GLS: variants seen among roughly 807,000 people sequenced by gnomAD.
The protein encoded by GLS is glutaminase.
Under a neutral mutation model 86.7 loss-of-function variants are expected in GLS, and 36 were observed. The ratio of observed to expected loss-of-function variants is 0.42; its 90% CI spans 0.32 to 0.55. The LOEUF is 0.55. Ranked by LOEUF, GLS falls within the 20% of genes least tolerant of loss-of-function variation. The pLI is 0.17. For synonymous variants in GLS, 317 were observed against 305.9 expected (o/e 1.04, Z -0.38); for missense variants, 528 against 833.4 (o/e 0.63, Z 4.51).
chr2:190,940,436 C>T lies in GLS; in HGVS notation c.1650+8799C>T, dbSNP rs555760891. On this transcript the variant is annotated intron_variant, in intron 14 of 17. Coordinates refer to ENST00000320717, the MANE Select transcript of GLS (RefSeq NM_014905.5). Reference sequence around the variant, plus strand: ...ATTTCTGCCTTAATGTCTCTTTTTACTGGACTATGAAGAAACAATTCTGCT... The same window carrying T: ...ATTTCTGCCTTAATGTCTCTTTTTATTGGACTATGAAGAAACAATTCTGCT... Among the ~76,000 whole-genome samples, 26 of 152,100 alleles carry T rather than the reference C, an allele frequency of 1.7e-4. No individual in the cohort carries two copies. In the East Asian group the frequency reaches 3.1e-3, roughly 18 times the overall value.
Position 190,914,079 on chromosome 2 carries a change from A to C in GLS, c.1038+3758A>C, listed in dbSNP as rs1303783475. Among the ~76,000 whole-genome samples, 1 of 152,090 alleles carries C rather than the reference A, an allele frequency of 6.6e-6. No individual in the cohort carries two copies. Among genetic ancestry groups the C allele is most frequent in the African/African-American group, 2.4e-5 (1 of 41,406 alleles). On this transcript the variant is annotated intron_variant, in intron 7 of 17. Coordinates refer to ENST00000320717, the MANE Select transcript of GLS (RefSeq NM_014905.5). This position sits in a 1 kb window ranked among gnomAD's most constrained non-coding sequence, Gnocchi z 4.4. ...AATGCTGGGATGACAGGCATTAGCC[A>C]CTCTACTTGGCATGCCTCATTCTAG...
intron 14 of GLS, among the ~76,000 whole-genome samples, chr2:190,936,674 A>G (rs1690279332): frequency 6.6e-6 from 1 of 151,242 alleles, no homozygotes; most frequent in Admixed American, 6.6e-5. Context: ...AGTGAAACCA[A>G]GAATATTAGA....
In GLS at chr2:190,938,493, A is replaced by G. The variant is rs1690338201; in HGVS notation, c.1650+6856A>G. On this transcript the variant is annotated intron_variant, in intron 14 of 17. Transcript: ENST00000320717. This position sits in a 1 kb window ranked among gnomAD's most constrained non-coding sequence, Gnocchi z 4.1. The stretch of plus-strand genomic sequence containing the variant: ...CTAGAATTTTGATGTACTTTTATTT[A>G]CCATAATCTTATATATTTTTTAGAA... Among the ~76,000 whole-genome samples, 2 of 151,624 alleles carry G rather than the reference A, an allele frequency of 1.3e-5. No homozygotes were observed. The highest frequency in any genetic ancestry group is 4.1e-4 in the South Asian group (2 of 4,830).
In GLS at chr2:190,956,663, G is replaced by A. The variant is rs1445415689; in HGVS notation, c.1853+1845G>A. On this transcript the variant is annotated intron_variant, in intron 17 of 17. Transcript: ENST00000320717. The surrounding 1 kb of genome is among the most constrained non-coding windows in gnomAD (Gnocchi z 4.2). ...AGAAAGTCAATGGTAGCTTTATGGG[G>A]ATAGCATAGAACCTATAAATTACTT... is the stretch of plus-strand genomic sequence containing the variant. Among the ~76,000 whole-genome samples, 1 of 152,080 alleles carries A rather than the reference G, an allele frequency of 6.6e-6. No homozygotes were observed. Among genetic ancestry groups the A allele is most frequent in the Non-Finnish European group, 1.5e-5 (1 of 68,012 alleles).
In GLS at chr2:190,947,354, C is replaced by T. The variant is rs1417355045; in HGVS notation, c.1651-6211C>T. Among the ~76,000 whole-genome samples, 4 of 152,102 alleles carry T rather than the reference C, an allele frequency of 2.6e-5. No individual in the cohort carries two copies. The highest frequency in any genetic ancestry group is 5.9e-5 in the Non-Finnish European group (4 of 68,010). ...TCATGTGAACTGTAACATTTTTTGTCCCACTGTTGTCATGACTTTGTACAA... is the reference window on the plus strand; with the variant it reads ...TCATGTGAACTGTAACATTTTTTGTTCCACTGTTGTCATGACTTTGTACAA... On this transcript the variant is annotated intron_variant, in intron 14 of 17. Coordinates refer to ENST00000320717, the MANE Select transcript of GLS (RefSeq NM_014905.5). The surrounding 1 kb of genome is among the most constrained non-coding windows in gnomAD (Gnocchi z 5.0).
At chr2:190,906,681 T>G (rs1214238096) in intron 6 of GLS, among the ~76,000 whole-genome samples, 1 of 152,194 alleles carries the variant, frequency 6.6e-6, no homozygotes, top group Non-Finnish European at 1.5e-5. Flanking sequence ...GAATTCTGAT[T>G]AGAGCCTGTG....
chr2:190,928,724 A>G (rs1433860032), intron 12 of GLS, among the ~76,000 whole-genome samples: 2 of 105,972 alleles, frequency 1.9e-5, no homozygotes, highest in Admixed American at 9.0e-5. Context: ...TTTTTTTTTT[A>G]AATCTATTGG....
At chr2:190,933,634 G>A (rs538301549) in intron 14 of GLS, 3 of 953,418 alleles carry the variant, frequency 3.1e-6, no homozygotes, top group Non-Finnish European at 3.7e-6. Flanking sequence ...CTCAGAAGGA[G>A]AAACAGTGAG....
At chr2:190,907,272 A>C (rs1574580237) in intron 6 of GLS, among the ~76,000 whole-genome samples, 1 of 117,856 alleles carries the variant, frequency 8.5e-6, no homozygotes, top group Non-Finnish European at 1.7e-5. Flanking sequence ...ACGGGGTTTC[A>C]CTCTTGTTGC....
Position 190,924,196 on chromosome 2 carries a change from CATATT to C in GLS, c.1197+216_1197+220del, listed in dbSNP as rs1285148464. On this transcript the variant is annotated intron_variant, in intron 10 of 17. Coordinates refer to ENST00000320717, the MANE Select transcript of GLS (RefSeq NM_014905.5). The surrounding 1 kb of genome is among the most constrained non-coding windows in gnomAD (Gnocchi z 5.2). ...TCTGGCAGCATTTAAATATTTGACT[CATATT>C]ATTTATTAATACAAATTTTGTTTGA... Among the ~76,000 whole-genome samples, 1 of 152,066 alleles carries C rather than the reference CATATT, an allele frequency of 6.6e-6. No individual in the cohort carries two copies. The highest frequency in any genetic ancestry group is 1.5e-5 in the Non-Finnish European group (1 of 67,984).
chr2:190,948,841 T>A (rs1479532479), intron 14 of GLS, among the ~76,000 whole-genome samples: 2 of 152,112 alleles, frequency 1.3e-5, no homozygotes, highest in Non-Finnish European at 2.9e-5. Context: ...AAAAATGATT[T>A]CAGGAGAATA....
Position 190,904,367 on chromosome 2 carries a change from G to A in GLS, c.816-637G>A, listed in dbSNP as rs555138550. Among the ~76,000 whole-genome samples, 3 of 152,216 alleles carry A rather than the reference G, an allele frequency of 2.0e-5. No individual in the cohort carries two copies. In the East Asian group the frequency reaches 5.8e-4, roughly 29 times the overall value. On this transcript the variant is annotated intron_variant, in intron 5 of 17. Coordinates refer to ENST00000320717, the MANE Select transcript of GLS (RefSeq NM_014905.5). ...ATTGAATACACGTGGGAGTAAGGAGGAGCATGCTCTTACTCTCTTGCCCTC... is the reference window on the plus strand; with the variant it reads ...ATTGAATACACGTGGGAGTAAGGAGAAGCATGCTCTTACTCTCTTGCCCTC...
intron 7 of GLS, among the ~76,000 whole-genome samples, chr2:190,910,814 GT>G (rs1202897695): frequency 6.6e-6 from 1 of 151,140 alleles, no homozygotes; most frequent in Non-Finnish European, 1.5e-5. Flanking sequence ...TGAAATCACA[GT>G]TTTTATTGGA....
chr2:190,880,964 A>G lies in GLS; in HGVS notation c.-121A>G. ...GTCCGAGCCGGAACCACACCCAAGT[A>G]GCTGCCCTTTCCTCTTCTGTCATCT... is the stretch of plus-strand genomic sequence containing the variant. On this transcript the variant is annotated 5_prime_UTR_variant, in exon 1 of 18. Transcript: ENST00000320717. 3 of 1,165,762 alleles carry G rather than the reference A, an allele frequency of 2.6e-6. No individual in the cohort carries two copies. The South Asian group carries it at 4.0e-5, about 15-fold the overall frequency. 72.2% of individuals were successfully genotyped at this position (1,165,762 alleles called of 1,614,324 possible).
At chr2:190,911,078 T>C (rs1689343736) in intron 7 of GLS, among the ~76,000 whole-genome samples, 1 of 150,962 alleles carries the variant, frequency 6.6e-6, no homozygotes, top group African/African-American at 2.4e-5. Context: ...TTTCTAATTA[T>C]AAATTTTATT....
intron 1 of GLS, 57 bp downstream of exon 1, chr2:190,881,527 C>T: frequency 1.4e-6 from 2 of 1,463,002 alleles, no homozygotes; most frequent in South Asian, 1.2e-5. Context: ...CGGGCTCAGG[C>T]TGTGTGGGGC....
rs1689457777 is a variant in GLS at position 190,914,416 on chromosome 2, T to G, written c.1038+4095T>G. Among the ~76,000 whole-genome samples the G allele has an allele frequency of 6.6e-6, 1 of 151,936 alleles. No individual in the cohort carries two copies. Among genetic ancestry groups the G allele is most frequent in the Non-Finnish European group, 1.5e-5 (1 of 67,958 alleles). On this transcript the variant is annotated intron_variant, in intron 7 of 17. Transcript: ENST00000320717. The surrounding 1 kb of genome is among the most constrained non-coding windows in gnomAD (Gnocchi z 4.4). ...TTGGTTTATTTACTTCTTGTTTATA[T>G]CAGTTTATGCTTTAGTTTTTTTTTT... is the stretch of plus-strand genomic sequence containing the variant.
intron 1 of GLS, among the ~76,000 whole-genome samples, chr2:190,891,484 G>A (rs541545189): frequency 2.4e-4 from 37 of 152,024 alleles, no homozygotes; most frequent in Non-Finnish European, 3.7e-4. Context: ...AAAAAAAGAT[G>A]AGATAGCACT....
rs1285114238 is a variant in GLS at position 190,881,408 on chromosome 2, C to T, written c.324C>T (p.Gly108=). The T allele has an allele frequency of 1.3e-6, 2 of 1,544,266 alleles. No individual in the cohort carries two copies. The highest frequency in any genetic ancestry group is 1.7e-6 in the Non-Finnish European group (2 of 1,144,836). Residue 108 remains glycine (G), a synonymous_variant, in exon 1 of 18, where the codon GGC becomes GGT. Coordinates refer to ENST00000320717, the MANE Select transcript of GLS (RefSeq NM_014905.5). Reference sequence around the variant, plus strand: ...CGGCGGCGCCCGGCCCCAAGGACGGCCCCGGGGAGACGGACGCGTTTGGCA... The same window carrying T: ...CGGCGGCGCCCGGCCCCAAGGACGGTCCCGGGGAGACGGACGCGTTTGGCA... ...AAPAAPGPKD[G]PGETDAFGNS...
Sources: allele counts gnomAD v4.1 joint callset (sites outside exome capture counted in the v4.1 genomes callset), GRCh38; gene constraint gnomAD v4.1.1; non-coding constraint Gnocchi (gnomAD v3.1); transcripts MANE v1.5; gene names NCBI Gene and HGNC (gene_info 2026-07-23, HGNC 2026-07-21).